Variants in KCNIP4 observed in about 807,000 individuals in gnomAD.
KCNIP4 encodes potassium voltage-gated channel interacting protein 4, also known as Kv channel-interacting protein 4.
In KCNIP4, 12 loss-of-function variants were observed where a neutral mutation model predicts 34.0. The ratio of observed to expected loss-of-function variants is 0.35; its 90% CI spans 0.23 to 0.57. KCNIP4 has a LOEUF of 0.57. Ranked by LOEUF, KCNIP4 falls within the 20% of genes least tolerant of loss-of-function variation. KCNIP4 has a pLI of 0.83. For synonymous variants in KCNIP4, 124 were observed against 102.2 expected (o/e 1.21, Z -1.29); for missense variants, 238 against 311.7 (o/e 0.76, Z 1.78).
intron 1 of KCNIP4, among the ~76,000 whole-genome samples, chr4:21,893,587 C>T (rs1041940190): frequency 2.6e-5 from 4 of 152,116 alleles, no homozygotes; most frequent in African/African-American, 4.8e-5. Flanking sequence ...ATTCATTACA[C>T]ACAAGAAAGA....
At chr4:20,879,220 A>C (rs879312245) in intron 2 of KCNIP4, among the ~76,000 whole-genome samples, 6 of 152,264 alleles carry the variant, frequency 3.9e-5, no homozygotes, top group Admixed American at 2.6e-4. Flanking sequence ...TCCCTGTCTC[A>C]TTTCTTACTC....
At position 21,016,564 on chromosome 4, in the gene KCNIP4, G is replaced by A. The variant is rs576826906; in HGVS notation, c.62-133855C>T. On this transcript the variant is annotated intron_variant, in intron 1 of 8. Coordinates refer to ENST00000382152, the MANE Select transcript of KCNIP4 (RefSeq NM_025221.6). ...CCCGCCTCGGCCTCCCAAAGTGCTG[G>A]GATTACAGGCGTGAGACACCTCACC... 3.5e-4 allele frequency among the ~76,000 whole-genome samples: 53 copies of A among 152,028 alleles called. No homozygotes were observed. The South Asian group carries it at 0.011, about 31-fold the overall frequency.
intron 3 of KCNIP4, among the ~76,000 whole-genome samples, chr4:20,794,238 G>A (rs192173184): frequency 6.6e-5 from 10 of 152,290 alleles, no homozygotes; most frequent in East Asian, 1.9e-4. Context: ...GCAGTTCACA[G>A]TAGGGTTCAT....
chr4:21,887,479 T>C (rs1270684968), intron 1 of KCNIP4, among the ~76,000 whole-genome samples: 1 of 152,054 alleles, frequency 6.6e-6, no homozygotes, highest in African/African-American at 2.4e-5. Flanking sequence ...GGGATTCGAT[T>C]TCAATGTATG....
intron 3 of KCNIP4, among the ~76,000 whole-genome samples, chr4:20,824,078 A>G (rs1157083547): frequency 6.6e-6 from 1 of 152,154 alleles, no homozygotes. Context: ...TATCTACCTC[A>G]TAGTGTTGTT....
intron 1 of KCNIP4, among the ~76,000 whole-genome samples, chr4:20,907,109 T>C (rs560008419): frequency 1.2e-4 from 18 of 152,240 alleles, no homozygotes; most frequent in Non-Finnish European, 2.5e-4. Context: ...ACCTCAGTAG[T>C]CATGACCCCT....
chr4:20,930,835 T>C (rs1488249934), intron 1 of KCNIP4, among the ~76,000 whole-genome samples: 2 of 106,852 alleles, frequency 1.9e-5, no homozygotes, highest in African/African-American at 5.4e-5. Flanking sequence ...AGGATGGCTA[T>C]TATAAAAAAA....
chr4:21,513,363 T>G (rs1455777767), intron 1 of KCNIP4, among the ~76,000 whole-genome samples: 2 of 152,150 alleles, frequency 1.3e-5, no homozygotes, highest in South Asian at 4.1e-4. Flanking sequence ...CATCAGCTCT[T>G]CATGAGAAAG....
intron 1 of KCNIP4, among the ~76,000 whole-genome samples, chr4:21,317,622 G>A (rs1713920145): frequency 6.6e-6 from 1 of 152,160 alleles, no homozygotes; most frequent in African/African-American, 2.4e-5. Flanking sequence ...GCTATATTAT[G>A]GTTATAATGG....
intron 1 of KCNIP4, among the ~76,000 whole-genome samples, chr4:21,366,648 C>T (rs1719794688): frequency 6.6e-6 from 1 of 152,014 alleles, no homozygotes. Context: ...CTGAGGAGAA[C>T]CCAATTTAGC....
chr4:21,381,346 A>G (rs1428397816), intron 1 of KCNIP4, among the ~76,000 whole-genome samples: 2 of 152,192 alleles, frequency 1.3e-5, no homozygotes, highest in Non-Finnish European at 2.9e-5. Flanking sequence ...GCAGGCAGAT[A>G]GTAGATTTGT....
intron 1 of KCNIP4, among the ~76,000 whole-genome samples, chr4:21,155,963 G>T (rs1056816952): frequency 3.7e-4 from 56 of 152,166 alleles, no homozygotes; most frequent in African/African-American, 1.1e-3. Flanking sequence ...TCGAAAAATT[G>T]TCATTGGACA....
rs1189578031 is a variant in KCNIP4 at position 20,732,886 on chromosome 4, CTTTT to C, written c.538-105_538-102del. On this transcript the variant is annotated intron_variant, in intron 6 of 8. Transcript: ENST00000382152. ...TTCCTACTCAATTTTAAATTTTTGACTTTTTGTTTGTTGGATTCTTTGTTAGACG... is the reference window on the plus strand; with the variant it reads ...TTCCTACTCAATTTTAAATTTTTGACTGTTTGTTGGATTCTTTGTTAGACG... 7.0e-6 allele frequency: 5 copies of C among 717,140 alleles called. No homozygotes were observed. In the East Asian group the frequency reaches 1.1e-4, roughly 16 times the overall value. 44.4% of individuals were successfully genotyped at this position (717,140 alleles called of 1,614,324 possible).
At chr4:21,388,822 C>T (rs1469796745) in intron 1 of KCNIP4, among the ~76,000 whole-genome samples, 2 of 152,072 alleles carry the variant, frequency 1.3e-5, no homozygotes, top group Non-Finnish European at 2.9e-5. Flanking sequence ...CATGTTGTAT[C>T]AGTAAATCAT....
chr4:20,939,357 T>C (rs1731400316), intron 1 of KCNIP4, among the ~76,000 whole-genome samples: 1 of 152,022 alleles, frequency 6.6e-6, no homozygotes. Context: ...TTTCAGCCCA[T>C]AATCTTTTTA....
intron 2 of KCNIP4, among the ~76,000 whole-genome samples, chr4:20,880,091 G>C (rs1042939997): frequency 1.3e-5 from 2 of 152,138 alleles, no homozygotes; most frequent in Non-Finnish European, 2.9e-5. Flanking sequence ...ATTTATGAAA[G>C]TATATCATGT....
At chr4:20,918,802 G>A (rs1729100305) in intron 1 of KCNIP4, among the ~76,000 whole-genome samples, 1 of 152,180 alleles carries the variant, frequency 6.6e-6, no homozygotes, top group Non-Finnish European at 1.5e-5. Flanking sequence ...GTATAACTGA[G>A]TCCAGACTCA....
At chr4:21,743,523 A>G (rs1164077626) in intron 1 of KCNIP4, among the ~76,000 whole-genome samples, 3 of 151,984 alleles carry the variant, frequency 2.0e-5, no homozygotes, top group African/African-American at 7.2e-5. Context: ...TTTACCATGT[A>G]CAGTAATATA....
At chr4:21,675,150 A>T (rs1483896365) in intron 1 of KCNIP4, among the ~76,000 whole-genome samples, 1 of 152,172 alleles carries the variant, frequency 6.6e-6, no homozygotes, top group East Asian at 1.9e-4. Context: ...TGTAACATCA[A>T]TAATGAAACA....
Sources: gnomAD v4.1 joint callset for allele counts (sites outside exome capture counted in the v4.1 genomes callset) on GRCh38, gnomAD v4.1.1 for gene constraint, MANE v1.5 for transcripts, NCBI Gene and HGNC (gene_info 2026-07-23, HGNC 2026-07-21) for gene names.